The following SUCO variants were observed in gnomAD, a reference collection of about 807,000 sequenced individuals.
SUCO encodes the protein SUN domain containing ossification factor, also known as SUN domain-containing ossification factor.
Under a neutral mutation model 148.1 loss-of-function variants are expected in SUCO, and 57 were observed. That is an observed-to-expected ratio of 0.38 (90% CI 0.31 to 0.48). The LOEUF is 0.48. SUCO is among the 20% of genes least tolerant of loss of function. The pLI is 0.96. For synonymous variants in SUCO, 470 were observed against 502.7 expected (o/e 0.93, Z 0.87); for missense variants, 1,331 against 1,468.2 (o/e 0.91, Z 1.53).
intron 22 of SUCO, among the ~76,000 whole-genome samples, chr1:172,603,451 T>C (rs1447621011): frequency 6.6e-6 from 1 of 152,046 alleles, no homozygotes; most frequent in Non-Finnish European, 1.5e-5. Context: ...ATTTAGTAAC[T>C]GAGTAGCATG....
rs748825932 is a variant in SUCO, at chr1:172,557,250, C to T, written c.444-30C>T. 14 of 1,603,512 alleles carry T rather than the reference C, an allele frequency of 8.7e-6. No individual in the cohort carries two copies. The East Asian group carries it at 3.1e-4, about 36-fold the overall frequency. ...ATATTACCTCAAGTTTATTTAATTA[C>T]CAGATTATGTTTCTTGTTTCTTTTT... On this transcript the variant is annotated intron_variant, in intron 4 of 23. Transcript: ENST00000263688.
At chr1:172,595,533 T>G (rs183276356) in intron 19 of SUCO, among the ~76,000 whole-genome samples, 7 of 152,350 alleles carry the variant, frequency 4.6e-5, no homozygotes, top group South Asian at 2.1e-4. Flanking sequence ...CCTTCACTTA[T>G]GAAGCTTAGT....
At chr1:172,585,670 G>A (rs1482712553) in intron 16 of SUCO, among the ~76,000 whole-genome samples, 188 bp from the exon 17 acceptor site, 2 of 151,986 alleles carry the variant, frequency 1.3e-5, no homozygotes, top group South Asian at 2.1e-4. Context: ...ATTGAGAAAC[G>A]ATATATATTA....
chr1:172,577,914 G>T, intron 13 of SUCO, 95 bp downstream of exon 13: 1 of 893,776 alleles, frequency 1.1e-6, no homozygotes, highest in Non-Finnish European at 1.7e-6. Flanking sequence ...TTTCTCTTAC[G>T]TGAGTTAATA....
At chr1:172,550,378 G>A (rs1487702792) in intron 1 of SUCO, among the ~76,000 whole-genome samples, 2 of 151,910 alleles carry the variant, frequency 1.3e-5, no homozygotes, top group African/African-American at 2.4e-5. Context: ...ATCTGGACAC[G>A]TTATTGTTTC....
In SUCO at chr1:172,589,669, T is replaced by C. The variant is rs1489127509; in HGVS notation, c.2568T>C (p.Val856=). 6.2e-7 allele frequency: 1 copy of C among 1,613,900 alleles called. No homozygotes were observed. Among genetic ancestry groups the C allele is most frequent in the Non-Finnish European group, 8.5e-7 (1 of 1,179,880 alleles). ...ADTAKQTLIS[V]VDSSSLPEVK... ...CAGCAAAGCAAACTTTGATTTCTGT[T>C]GTGGATTCTTCTTCATTACCTGAAG... The change falls in exon 18 of 24, where the codon GTT becomes GTC. Residue 856 remains valine, a synonymous_variant. Transcript: ENST00000263688.
intron 6 of SUCO, among the ~76,000 whole-genome samples, chr1:172,565,971 T>C (rs1396877611): frequency 6.6e-6 from 1 of 152,206 alleles, no homozygotes; most frequent in Non-Finnish European, 1.5e-5. Flanking sequence ...GTGACTGGTC[T>C]TCCACATGGG....
chr1:172,600,292 C>A, intron 20 of SUCO, 124 bp downstream of exon 20: 2 of 688,834 alleles, frequency 2.9e-6, no homozygotes, highest in Non-Finnish European at 4.9e-6. Flanking sequence ...TTGTAGTGAA[C>A]TTTTTCAAAA....
chr1:172,585,050 A>G lies in SUCO; in HGVS notation c.1531A>G (p.Asn511Asp). 6.2e-7 allele frequency: 1 copy of G among 1,605,290 alleles called. No homozygotes were observed. Among genetic ancestry groups the G allele is most frequent in the African/African-American group, 1.3e-5 (1 of 74,780 alleles). ...AILNMVNIAANILGAKTEDLT... is the reference protein window; with the variant it reads ...AILNMVNIAADILGAKTEDLT... ...TCTAAATATGGTGAATATTGCTGCT[A>G]ATATTCTGGGAGCAAAAACTGAAGA... Residue 511 changes from asparagine to aspartate, a missense_variant, in exon 16 of 24, where the codon AAT (asparagine) becomes GAT (aspartate). Coordinates refer to ENST00000263688, the MANE Select transcript of SUCO (RefSeq NM_014283.5).
intron 22 of SUCO, chr1:172,608,257 C>G (rs1657985217): frequency 4.4e-6 from 1 of 227,826 alleles, no homozygotes; most frequent in African/African-American, 2.3e-5. Context: ...TATCTTGGAT[C>G]TCTTTTTGTG....
At chr1:172,549,092 G>C (rs1364394923) in intron 1 of SUCO, among the ~76,000 whole-genome samples, 1 of 151,578 alleles carries the variant, frequency 6.6e-6, no homozygotes, top group Non-Finnish European at 1.5e-5. Context: ...CATCTTGTTT[G>C]GTTTCTATGT....
Position 172,611,569 on chromosome 1 carries a change from G to A in SUCO, c.*1310G>A, listed in dbSNP as rs1658216406. Reference sequence around the variant, plus strand: ...ATGTGACTTATTTAACGCCTTTTTTGTTTGTTTAAGTTGCTGCTTTAGGTT... The same window carrying A: ...ATGTGACTTATTTAACGCCTTTTTTATTTGTTTAAGTTGCTGCTTTAGGTT... On this transcript the variant is annotated 3_prime_UTR_variant, in exon 24 of 24. Coordinates refer to ENST00000263688, the MANE Select transcript of SUCO (RefSeq NM_014283.5). The A allele has an allele frequency of 6.6e-6, 1 of 152,448 alleles. No individual in the cohort carries two copies. Among genetic ancestry groups the A allele is most frequent in the East Asian group, 1.9e-4 (1 of 5,194 alleles). The allele number at this position is 152,448 out of a possible 1,614,324, so 9.4% of individuals were successfully genotyped here.
Position 172,589,611 on chromosome 1 carries a change from A to G in SUCO, c.2510A>G (p.Glu837Gly). Reference protein sequence around the residue: ...PINTATVPDNEDGEAKMNIAD... With the variant: ...PINTATVPDNGDGEAKMNIAD... Reference sequence around the variant, plus strand: ...AATACAGCCACTGTACCCGACAATGAAGATGGGGAAGCCAAAATGAATATA... The same window carrying G: ...AATACAGCCACTGTACCCGACAATGGAGATGGGGAAGCCAAAATGAATATA... Residue 837 changes from glutamate to glycine, a missense_variant, in exon 18 of 24, where the codon GAA becomes GGA. By Grantham distance (98) the Glu-to-Gly change is moderately conservative (BLOSUM62 -2). Transcript: ENST00000263688. 2 of 1,613,926 alleles carry G rather than the reference A, an allele frequency of 1.2e-6. No individual in the cohort carries two copies. The highest frequency in any genetic ancestry group is 1.1e-5 in the South Asian group (1 of 91,068).
At chr1:172,586,729 T>A (rs1571260210) in intron 17 of SUCO, among the ~76,000 whole-genome samples, 1 of 152,154 alleles carries the variant, frequency 6.6e-6, no homozygotes, top group East Asian at 1.9e-4. Context: ...CAAGATAGTA[T>A]GTAATGAGAC....
At chr1:172,566,402 C>T (rs1367674848) in intron 6 of SUCO, among the ~76,000 whole-genome samples, 2 of 152,228 alleles carry the variant, frequency 1.3e-5, no homozygotes, top group East Asian at 3.9e-4. Flanking sequence ...CAGTCACTGC[C>T]ATCTCTGCTT....
At chr1:172,574,858 A>G (rs1655316610) in intron 10 of SUCO, 1 of 984,918 alleles carries the variant, frequency 1.0e-6, no homozygotes, top group African/African-American at 1.7e-5. Flanking sequence ...ATCGGTTCTC[A>G]AGACCTCTTG....
intron 4 of SUCO, chr1:172,557,005 T>C (rs1453961252): frequency 4.1e-6 from 4 of 978,228 alleles, no homozygotes; most frequent in Admixed American, 6.2e-5. Flanking sequence ...ATTAGTATAG[T>C]AATGATGGAA....
At chr1:172,588,106 A>T in intron 17 of SUCO, 6 of 985,320 alleles carry the variant, frequency 6.1e-6, no homozygotes, top group Non-Finnish European at 7.2e-6. Context: ...AGATGATAGC[A>T]AAATTATTTT....
intron 6 of SUCO, among the ~76,000 whole-genome samples, chr1:172,567,252 T>C (rs1264932307): frequency 2.0e-5 from 3 of 152,360 alleles, no homozygotes; most frequent in East Asian, 1.9e-4. Context: ...TCCTATCTAA[T>C]AGATTTTGTA....
Sources: allele counts gnomAD v4.1 joint callset (sites outside exome capture counted in the v4.1 genomes callset), GRCh38; gene constraint gnomAD v4.1.1; transcripts MANE v1.5; gene names NCBI Gene and HGNC (gene_info 2026-07-23, HGNC 2026-07-21).